MAML2: variants seen among roughly 807,000 people sequenced by gnomAD.
MAML2 encodes mastermind like transcriptional coactivator 2.
MAML2 carries 22 observed loss-of-function variants against 96.1 expected under a neutral mutation model. The ratio of observed to expected loss-of-function variants is 0.23; its 90% CI spans 0.16 to 0.33. MAML2 has a LOEUF of 0.33. Among genes scored for constraint, MAML2 ranks in the 10% least tolerant of loss-of-function variants. The pLI is 1.00. For missense variants in MAML2, 1,367 were observed against 1,392.4 expected, an observed-to-expected ratio of 0.98 and a Z score of 0.29; for synonymous variants, 561 against 521.3, an observed-to-expected ratio of 1.08 and a Z score of -1.04.
intron 1 of MAML2, among the ~76,000 whole-genome samples, chr11:96,136,075 A>T (rs1860626614): frequency 6.6e-6 from 1 of 150,718 alleles, no homozygotes; most frequent in South Asian, 2.1e-4. Context: ...TGATATGTAA[A>T]CACATCTAGG....
intron 1 of MAML2, among the ~76,000 whole-genome samples, chr11:96,251,853 TC>T (rs1862586362): frequency 6.6e-6 from 1 of 151,392 alleles, no homozygotes; most frequent in Non-Finnish European, 1.5e-5. Flanking sequence ...TGCCTCAGCC[TC>T]CCGAGTAGCT....
At chr11:96,275,996 T>A (rs184368503) in intron 1 of MAML2, among the ~76,000 whole-genome samples, 2 of 152,216 alleles carry the variant, frequency 1.3e-5, no homozygotes, top group East Asian at 3.9e-4. Flanking sequence ...GCATGGTGAG[T>A]AGGCTAAGTA....
intron 1 of MAML2, among the ~76,000 whole-genome samples, chr11:96,129,387 C>T (rs889213444): frequency 5.3e-5 from 8 of 152,146 alleles, no homozygotes; most frequent in African/African-American, 1.9e-4. Context: ...CCTAAGAATC[C>T]GGATTTCTAA....
chr11:95,987,122 C>T (rs1298348319), intron 3 of MAML2, among the ~76,000 whole-genome samples: 1 of 152,130 alleles, frequency 6.6e-6, no homozygotes, highest in Non-Finnish European at 1.5e-5. Context: ...TGGAAGCTGT[C>T]ACAAAGTAAA....
At chr11:96,127,173 G>T (rs1402693727) in intron 1 of MAML2, among the ~76,000 whole-genome samples, 3 of 150,744 alleles carry the variant, frequency 2.0e-5, no homozygotes, top group African/African-American at 7.2e-5. Context: ...TCAACTGGAT[G>T]GGTGATTTGT....
chr11:96,176,594 G>C (rs1368929840), intron 1 of MAML2, among the ~76,000 whole-genome samples: 1 of 152,062 alleles, frequency 6.6e-6, no homozygotes, highest in African/African-American at 2.4e-5. Flanking sequence ...CTCTGGTCCT[G>C]TGAGGGGCCT....
intron 2 of MAML2, among the ~76,000 whole-genome samples, chr11:96,048,694 C>CT (rs1224916565): frequency 1.9e-4 from 29 of 151,368 alleles, no homozygotes; most frequent in Non-Finnish European, 2.7e-4. Context: ...CAAAGTCTTT[C>CT]TTTTTTTTTC....
chr11:96,292,096 C>T (rs909132709), intron 1 of MAML2, among the ~76,000 whole-genome samples: 3 of 152,198 alleles, frequency 2.0e-5, no homozygotes, highest in Admixed American at 1.3e-4. Flanking sequence ...TATTGTCATA[C>T]ACCATTTTAC....
chr11:96,307,548 T>C (rs878870112), intron 1 of MAML2, among the ~76,000 whole-genome samples: 1 of 152,054 alleles, frequency 6.6e-6, no homozygotes, highest in African/African-American at 2.4e-5. Context: ...GAGGGGGAAA[T>C]GCCATCTTAA....
At chr11:96,036,036 T>C (rs1250471050) in intron 2 of MAML2, among the ~76,000 whole-genome samples, 1 of 152,184 alleles carries the variant, frequency 6.6e-6, no homozygotes, top group Non-Finnish European at 1.5e-5. Context: ...TATAACTGAA[T>C]AAAATAATGC....
chr11:96,149,432 A>AAACAAT, intron 1 of MAML2, among the ~76,000 whole-genome samples: 1 of 112,588 alleles, frequency 8.9e-6, no homozygotes, highest in East Asian at 2.4e-4. Flanking sequence ...AAAAAAAAAA[A>AAACAAT]TGAGAAGTTA....
intron 1 of MAML2, among the ~76,000 whole-genome samples, chr11:96,098,147 CA>C (rs1859863844): frequency 1.3e-5 from 2 of 152,026 alleles, no homozygotes; most frequent in African/African-American, 4.8e-5. Flanking sequence ...GGTTGGATGG[CA>C]AGGAGAGAAT....
At chr11:96,284,464 C>A (rs182206898) in intron 1 of MAML2, among the ~76,000 whole-genome samples, 154 of 152,256 alleles carry the variant, frequency 1.0e-3, no homozygotes, top group Non-Finnish European at 6.8e-4. Context: ...ACAATAGTTT[C>A]TTCTCATTGG....
At chr11:96,110,078 A>G (rs1427867477) in intron 1 of MAML2, among the ~76,000 whole-genome samples, 3 of 152,176 alleles carry the variant, frequency 2.0e-5, no homozygotes, top group African/African-American at 7.2e-5. Flanking sequence ...ACCTCGTCAA[A>G]TGCTACAGAG....
rs560991403 is a variant in MAML2 at position 96,322,558 on chromosome 11, G to A, written c.513+18825C>T. Reference sequence around the variant, plus strand: ...ATACAAAATATTAGCCGGGCGTAGTGGCGGGCGCCTGTATTCCCAGCTCCT... The same window carrying A: ...ATACAAAATATTAGCCGGGCGTAGTAGCGGGCGCCTGTATTCCCAGCTCCT... On this transcript the variant is annotated intron_variant, in intron 1 of 4. Coordinates refer to ENST00000524717, the MANE Select transcript of MAML2 (RefSeq NM_032427.4). Among the ~76,000 whole-genome samples the A allele has an allele frequency of 2.9e-3, 437 of 152,058 alleles. 4 individuals carry two copies. The highest frequency in any genetic ancestry group is 0.01 in the African/African-American group (422 of 41,552).
At chr11:96,013,332 G>C (rs1331840273) in intron 2 of MAML2, among the ~76,000 whole-genome samples, 1 of 152,186 alleles carries the variant, frequency 6.6e-6, no homozygotes, top group Non-Finnish European at 1.5e-5. Context: ...GTCTCCAGTA[G>C]CTCATGTAGT....
intron 1 of MAML2, among the ~76,000 whole-genome samples, chr11:96,224,399 A>G (rs1281466157): frequency 6.6e-5 from 10 of 152,178 alleles, no homozygotes; most frequent in African/African-American, 2.4e-4. Flanking sequence ...CAGTGCCCCA[A>G]CCCCATGACT....
intron 1 of MAML2, among the ~76,000 whole-genome samples, 164 bp downstream of exon 1, chr11:96,341,219 T>C (rs1425167399): frequency 6.6e-6 from 1 of 151,946 alleles, no homozygotes; most frequent in East Asian, 1.9e-4. Context: ...ACATGATGAG[T>C]AGGCGCATGA....
intron 2 of MAML2, among the ~76,000 whole-genome samples, chr11:96,076,967 A>T (rs1346519042): frequency 6.6e-6 from 1 of 152,128 alleles, no homozygotes; most frequent in African/African-American, 2.4e-5. Context: ...TTACAATAGC[A>T]AAATTGGGCC....
Sources: allele counts gnomAD v4.1 joint callset (sites outside exome capture counted in the v4.1 genomes callset), GRCh38; gene constraint gnomAD v4.1.1; transcripts MANE v1.5; gene names NCBI Gene and HGNC (gene_info 2026-07-23, HGNC 2026-07-21).